SLC48A1: variants seen among roughly 807,000 people sequenced by gnomAD.
SLC48A1 encodes the protein heme transporter HRG1.
A neutral mutation model predicts 14.8 loss-of-function variants in SLC48A1; 6 were observed. The ratio of observed to expected loss-of-function variants is 0.41; its 90% CI spans 0.22 to 0.80. SLC48A1 has a LOEUF of 0.80. Ranked by LOEUF, SLC48A1 falls within the 30% of genes least tolerant of loss-of-function variation. SLC48A1 has a pLI of 0.34. For missense variants in SLC48A1, 165 were observed against 204.8 expected, an observed-to-expected ratio of 0.81 and a Z score of 1.19; for synonymous variants, 89 against 90.0, an observed-to-expected ratio of 0.99 and a Z score of 0.06.
intron 2 of SLC48A1, among the ~76,000 whole-genome samples, chr12:47,762,375 C>G (rs1269947829): frequency 6.6e-6 from 1 of 152,138 alleles, no homozygotes; most frequent in Non-Finnish European, 1.5e-5. Context: ...CAGGAGGCCT[C>G]TCCTCCTGCT....
chr12:47,753,965 G>C (rs949643890), upstream of SLC48A1: 8 of 152,218 alleles, frequency 5.3e-5, no homozygotes, highest in Non-Finnish European at 1.2e-4. Flanking sequence ...GGACTTTAAG[G>C]AATCCCTCTC....
chr12:47,758,040 C>CT, upstream of SLC48A1: 1 of 1,574,824 alleles, frequency 6.3e-7, no homozygotes, highest in Non-Finnish European at 8.6e-7. Context: ...CCTCCACAGC[C>CT]AGGCCCACCT....
upstream of SLC48A1, among the ~76,000 whole-genome samples, chr12:47,755,126 C>T (rs1367095854): frequency 6.6e-6 from 1 of 152,182 alleles, no homozygotes; most frequent in Non-Finnish European, 1.5e-5. Flanking sequence ...GAGAGAAGTG[C>T]AGCATGGTGG....
rs1942835376 is a variant in SLC48A1 at position 47,780,133 on chromosome 12, C to CT, written c.305-11dup. The stretch of plus-strand genomic sequence containing the variant: ...CCTGCCAAAGTCACTGTCGGTACTT[C>CT]TCTCCCTGCAGGCCTCACAGACCCC... On this transcript the variant is annotated splice_polypyrimidine_tract_variant and intron_variant, in intron 2 of 2. Transcript: ENST00000442218. The CT allele has an allele frequency of 6.4e-7, 1 of 1,561,768 alleles. No homozygotes were observed. Among genetic ancestry groups the CT allele is most frequent in the Non-Finnish European group, 8.7e-7 (1 of 1,151,362 alleles).
upstream of SLC48A1, chr12:47,769,439 A>G (rs1214853181): frequency 6.6e-6 from 1 of 152,234 alleles, no homozygotes; most frequent in East Asian, 1.9e-4. Context: ...CTCAACAATC[A>G]TTCCATTCTT....
chr12:47,757,942 A>G, upstream of SLC48A1: 1 of 1,558,262 alleles, frequency 6.4e-7, no homozygotes, highest in Non-Finnish European at 8.7e-7. Flanking sequence ...GGGCCGGTGC[A>G]TCCTTCTCAA....
chr12:47,765,977 C>G (rs1213274204), intron 2 of SLC48A1, among the ~76,000 whole-genome samples: 1 of 152,096 alleles, frequency 6.6e-6, no homozygotes, highest in Non-Finnish European at 1.5e-5. Flanking sequence ...AGTTCTTGAC[C>G]AATTGCCATT....
upstream of SLC48A1, chr12:47,769,710 C>T (rs975251783): frequency 6.6e-6 from 1 of 152,136 alleles, no homozygotes; most frequent in African/African-American, 2.4e-5. Flanking sequence ...CAATATATCT[C>T]GATCTTTGTA....
chr12:47,778,077 G>A (rs1487951536), intron 1 of SLC48A1, among the ~76,000 whole-genome samples: 3 of 152,214 alleles, frequency 2.0e-5, no homozygotes, highest in African/African-American at 7.2e-5. Flanking sequence ...GTCCCTTGCC[G>A]GGATCCACCG....
chr12:47,772,434 G>A (rs149693455), upstream of SLC48A1: 2,385 of 153,122 alleles, frequency 0.016, 50 homozygotes, highest in African/African-American at 0.055. Context: ...GCTTTGGGAG[G>A]CCGAGGTGGG....
upstream of SLC48A1, among the ~76,000 whole-genome samples, chr12:47,767,095 G>C (rs1312047158): frequency 2.0e-5 from 3 of 151,922 alleles, no homozygotes; most frequent in Admixed American, 1.3e-4. Flanking sequence ...GCCTGGGTGG[G>C]GTAGAATGGG....
upstream of SLC48A1, among the ~76,000 whole-genome samples, chr12:47,767,323 G>A (rs186786210): frequency 6.6e-6 from 1 of 152,160 alleles, no homozygotes; most frequent in African/African-American, 2.4e-5. Flanking sequence ...GTTGGGGAAG[G>A]CTGCCCCCTA....
chr12:47,778,756 A>T, intron 1 of SLC48A1: 1 of 404,288 alleles, frequency 2.5e-6, no homozygotes, highest in Non-Finnish European at 4.4e-6. Flanking sequence ...TTTTTGTGAG[A>T]GATATTCATG....
chr12:47,771,537 G>A (rs746055749), upstream of SLC48A1: 2 of 152,948 alleles, frequency 1.3e-5, no homozygotes, highest in African/African-American at 4.8e-5. Context: ...AGGATCTTGC[G>A]ATGGGGAGAT....
rs1942843669 is a variant in SLC48A1 at position 47,780,474 on chromosome 12, G to A, written c.*193G>A. Reference sequence around the variant, plus strand: ...CGAGGAAACCTGAGTGTGGTAGAGAGGGGATCCTGCCATGTTGCTCCTCAT... The same window carrying A: ...CGAGGAAACCTGAGTGTGGTAGAGAAGGGATCCTGCCATGTTGCTCCTCAT... On this transcript the variant is annotated 3_prime_UTR_variant, in exon 3 of 3. Coordinates refer to ENST00000442218, the MANE Select transcript of SLC48A1 (RefSeq NM_017842.3). 1 of 868,578 alleles carries A rather than the reference G, an allele frequency of 1.2e-6. No homozygotes were observed. The highest frequency in any genetic ancestry group is 2.0e-6 in the Non-Finnish European group (1 of 500,158). 53.8% of individuals were successfully genotyped at this position (868,578 alleles called of 1,614,324 possible).
chr12:47,780,006 G>A (rs1292869736), intron 2 of SLC48A1, 139 bp from the exon 3 acceptor site: 5 of 1,090,366 alleles, frequency 4.6e-6, no homozygotes, highest in Non-Finnish European at 5.1e-6. Flanking sequence ...CTCCATCACA[G>A]TGTCTTTCTG....
chr12:47,755,537 C>T (rs114268938), upstream of SLC48A1, among the ~76,000 whole-genome samples: 727 of 152,290 alleles, frequency 4.8e-3, 12 homozygotes, highest in African/African-American at 0.016. Context: ...CCCCTGCCCC[C>T]GGACATCAGA....
intron 1 of SLC48A1, among the ~76,000 whole-genome samples, chr12:47,776,433 T>C (rs1235250521): frequency 6.6e-6 from 1 of 152,092 alleles, no homozygotes; most frequent in Non-Finnish European, 1.5e-5. Context: ...GGGAAGGGTA[T>C]TAGGGAGATA....
intron 2 of SLC48A1, among the ~76,000 whole-genome samples, chr12:47,762,051 A>G (rs980270506): frequency 7.2e-5 from 11 of 152,096 alleles, no homozygotes; most frequent in Admixed American, 1.3e-4. Flanking sequence ...GGAAAAACTC[A>G]TATCCACAGC....
Sources: allele counts gnomAD v4.1 joint callset (sites outside exome capture counted in the v4.1 genomes callset), GRCh38; gene constraint gnomAD v4.1.1; transcripts MANE v1.5; gene names NCBI Gene and HGNC (gene_info 2026-07-23, HGNC 2026-07-21).